GNAT3: variants seen among roughly 807,000 people sequenced by gnomAD.
The protein encoded by GNAT3 is guanine nucleotide-binding protein G(t) subunit alpha-3.
GNAT3 carries 31 observed loss-of-function variants against 37.7 expected under a neutral mutation model. The ratio of observed to expected loss-of-function variants is 0.82; its 90% CI spans 0.62 to 1.11. The LOEUF (loss-of-function observed/expected upper bound fraction) is 1.11, where lower values mean the gene tolerates loss of function less well. GNAT3 is among the 50% of genes most tolerant of loss of function. The probability of loss-of-function intolerance (pLI) is 0.00; values close to 1 mark genes in which losing one functional copy is unlikely to be tolerated. For synonymous variants in GNAT3, 138 were observed against 139.8 expected (o/e 0.99, Z 0.09); for missense variants, 437 against 412.5 (o/e 1.06, Z -0.51).
At chr7:80,509,074 G>C (rs2116237123) in intron 1 of GNAT3, among the ~76,000 whole-genome samples, 1 of 152,052 alleles carries the variant, frequency 6.6e-6, no homozygotes, top group South Asian at 2.1e-4. Context: ...TTCAATGATG[G>C]GAAAAATTAA....
chr7:80,476,499 A>G lies in GNAT3; in HGVS notation c.462-2120T>C, dbSNP rs78127095. Among the ~76,000 whole-genome samples, 1,306 of 149,824 alleles carry G rather than the reference A, an allele frequency of 8.7e-3. 16 individuals are homozygous for G. The highest frequency in any genetic ancestry group is 0.031 in the African/African-American group (1,243 of 40,660). Reference sequence around the variant, plus strand: ...AATGTTTCCTCTGATTATCCCTGCCATACCCCTCTTCTTTCAATTTGCTAG... The same window carrying G: ...AATGTTTCCTCTGATTATCCCTGCCGTACCCCTCTTCTTTCAATTTGCTAG... On this transcript the variant is annotated intron_variant, in intron 4 of 7. Transcript: ENST00000398291.
chr7:80,507,712 G>C lies in GNAT3; in HGVS notation c.118+4097C>G, dbSNP rs979671025. Among the ~76,000 whole-genome samples, 35 of 151,934 alleles carry C rather than the reference G, an allele frequency of 2.3e-4. 1 individual carries two copies. Among genetic ancestry groups the C allele is most frequent in the Admixed American group, 2.0e-4 (3 of 15,248 alleles). ...TAAATTGTATTCTCCTCATTCTGCT[G>C]CATGGTTAAACCTATTTATCTAATT... On this transcript the variant is annotated intron_variant, in intron 1 of 7. Coordinates refer to ENST00000398291, the MANE Select transcript of GNAT3 (RefSeq NM_001102386.3).
chr7:80,463,825 C>T (rs1790092458), intron 5 of GNAT3, among the ~76,000 whole-genome samples: 1 of 149,862 alleles, frequency 6.7e-6, no homozygotes, highest in Admixed American at 6.7e-5. Flanking sequence ...ATGCTATGTT[C>T]TCTCATGCCT....
At chr7:80,464,668 G>T (rs2116142462) in intron 5 of GNAT3, among the ~76,000 whole-genome samples, 1 of 152,114 alleles carries the variant, frequency 6.6e-6, no homozygotes, top group South Asian at 2.1e-4. Flanking sequence ...GTACCAAAAA[G>T]CATCCAAGTT....
At chr7:80,491,580 T>C (rs1450841401) in intron 2 of GNAT3, among the ~76,000 whole-genome samples, 2 of 152,096 alleles carry the variant, frequency 1.3e-5, no homozygotes, top group African/African-American at 2.4e-5. Context: ...ATAAAGGAGA[T>C]AGTTAGACGA....
At chr7:80,498,743 T>C (rs1225449749) in intron 1 of GNAT3, among the ~76,000 whole-genome samples, 1 of 152,130 alleles carries the variant, frequency 6.6e-6, no homozygotes, top group Non-Finnish European at 1.5e-5. Flanking sequence ...ATCGCTAATA[T>C]TAGTTTCTGG....
At chr7:80,511,050 A>G (rs1475875559) in intron 1 of GNAT3, among the ~76,000 whole-genome samples, 1 of 152,134 alleles carries the variant, frequency 6.6e-6, no homozygotes, top group East Asian at 1.9e-4. Context: ...GTTTCAGTGA[A>G]ACTGCATGTA....
intron 1 of GNAT3, among the ~76,000 whole-genome samples, chr7:80,505,317 A>G (rs1333838738): frequency 6.6e-6 from 1 of 152,210 alleles, no homozygotes; most frequent in Non-Finnish European, 1.5e-5. Flanking sequence ...ATGGAAAAGT[A>G]TGAGAGATAA....
chr7:80,479,799 G>T (rs1459567635), intron 3 of GNAT3, among the ~76,000 whole-genome samples: 1 of 134,984 alleles, frequency 7.4e-6, no homozygotes. Context: ...AATATATAAT[G>T]TTTTTTTGTC....
At chr7:80,473,388 T>G (rs182510280) in intron 5 of GNAT3, among the ~76,000 whole-genome samples, 204 of 152,274 alleles carry the variant, frequency 1.3e-3, no homozygotes, top group African/African-American at 4.5e-3. Context: ...AAAATAAATT[T>G]ATGATGTTGA....
intron 4 of GNAT3, among the ~76,000 whole-genome samples, chr7:80,476,150 T>C (rs1282903438): frequency 6.6e-6 from 1 of 151,816 alleles, no homozygotes; most frequent in African/African-American, 2.4e-5. Context: ...GATACCTAAA[T>C]GAAAACCTTG....
At chr7:80,462,394 A>G (rs560654130) in intron 6 of GNAT3, 82 bp from the exon 7 acceptor site, 2 of 1,550,664 alleles carry the variant, frequency 1.3e-6, no homozygotes, top group South Asian at 1.1e-5. Context: ...AGGATCTAGA[A>G]CTAACATAAA....
chr7:80,489,087 C>T (rs568399539), intron 2 of GNAT3, among the ~76,000 whole-genome samples: 25 of 152,182 alleles, frequency 1.6e-4, no homozygotes, highest in Non-Finnish European at 3.5e-4. Context: ...TTAGAACATT[C>T]ATGACTTTTC....
chr7:80,510,191 A>T (rs1791040554), intron 1 of GNAT3, among the ~76,000 whole-genome samples: 1 of 152,116 alleles, frequency 6.6e-6, no homozygotes, highest in Non-Finnish European at 1.5e-5. Context: ...TTTCCGTCAC[A>T]ACTGAATCTC....
rs111770493 is a variant in GNAT3, at chr7:80,504,426, A to G, written c.118+7383T>C. On this transcript the variant is annotated intron_variant, in intron 1 of 7. Transcript: ENST00000398291. ...AGAGCATATATACAACTTACATTGC[A>G]ATTAATGAAAGAGACTAAACAGGAT... Among the ~76,000 whole-genome samples the G allele has an allele frequency of 5.1e-3, 774 of 152,334 alleles. 5 individuals carry two copies. Among genetic ancestry groups the G allele is most frequent in the African/African-American group, 0.018 (740 of 41,578 alleles).
intron 1 of GNAT3, among the ~76,000 whole-genome samples, 190 bp from the exon 2 acceptor site, chr7:80,494,837 T>C (rs1291799363): frequency 6.6e-6 from 1 of 152,130 alleles, no homozygotes; most frequent in Non-Finnish European, 1.5e-5. Flanking sequence ...ATCTGAATAG[T>C]GTGCATTGTA....
At chr7:80,467,524 A>G (rs1231035825) in intron 5 of GNAT3, among the ~76,000 whole-genome samples, 1 of 152,042 alleles carries the variant, frequency 6.6e-6, no homozygotes, top group African/African-American at 2.4e-5. Flanking sequence ...TATTGTAGTC[A>G]TTTATTTTTC....
intron 7 of GNAT3, among the ~76,000 whole-genome samples, chr7:80,461,022 G>GTAA (rs200381242): frequency 9.6e-6 from 1 of 104,134 alleles, no homozygotes; most frequent in Non-Finnish European, 1.8e-5. Context: ...TATTTAATTA[G>GTAA]TAATCAATAT....
At chr7:80,474,510 G>A (rs1562722962) in intron 4 of GNAT3, 131 bp from the exon 5 acceptor site, 1 of 377,400 alleles carries the variant, frequency 2.6e-6, no homozygotes. Context: ...TGCGTTTGAA[G>A]AAACCAGGAT....
Sources: allele counts gnomAD v4.1 joint callset (sites outside exome capture counted in the v4.1 genomes callset), GRCh38; gene constraint gnomAD v4.1.1; transcripts MANE v1.5; gene names NCBI Gene and HGNC (gene_info 2026-07-23, HGNC 2026-07-21).